SORCS3: variants seen among roughly 807,000 people sequenced by gnomAD.
The protein encoded by SORCS3 is VPS10 domain-containing receptor SorCS3.
A neutral mutation model predicts 146.3 loss-of-function variants in SORCS3; 57 were observed. The observed-to-expected ratio is 0.39, with a 90% CI of 0.31 to 0.49. The LOEUF is 0.49. SORCS3 is among the 20% of genes least tolerant of loss of function. The pLI is 0.92. For missense variants in SORCS3, 1,341 were observed against 1,575.5 expected, an observed-to-expected ratio of 0.85 and a Z score of 2.52; for synonymous variants, 653 against 618.5, an observed-to-expected ratio of 1.06 and a Z score of -0.83.
At chr10:105,128,591 CT>C (rs2055992939) in intron 7 of SORCS3, among the ~76,000 whole-genome samples, 1 of 152,132 alleles carries the variant, frequency 6.6e-6, no homozygotes, top group African/African-American at 2.4e-5. Context: ...TCCCCTGTGG[CT>C]GAAGATGTTT....
Position 105,005,682 on chromosome 10 carries a change from C to T in SORCS3, c.954+28189C>T, listed in dbSNP as rs530105696. Among the ~76,000 whole-genome samples, 444 of 152,200 alleles carry T rather than the reference C, an allele frequency of 2.9e-3. 2 individuals are homozygous for T. Among genetic ancestry groups the T allele is most frequent in the Non-Finnish European group, 4.9e-3 (331 of 68,014 alleles). ...GTAACCTCTCTAAATAAAGAAGAGC[C>T]CTTGAGCACAGTTCTCAGACCTCTT... On this transcript the variant is annotated intron_variant, in intron 4 of 26. Coordinates refer to ENST00000369701, the MANE Select transcript of SORCS3 (RefSeq NM_014978.3).
At chr10:104,876,703 TTTCCTTCC>T (rs747594890) in intron 2 of SORCS3, among the ~76,000 whole-genome samples, 2,257 of 104,710 alleles carry the variant, frequency 0.022, 31 homozygotes, top group Non-Finnish European at 0.026. Context: ...TGGTCCAGGT[TTTCCTTCC>T]TTCCTTCCTT....
At chr10:104,862,020 C>T (rs1289367427) in intron 2 of SORCS3, among the ~76,000 whole-genome samples, 1 of 152,200 alleles carries the variant, frequency 6.6e-6, no homozygotes, top group Admixed American at 6.5e-5. Flanking sequence ...GCCCATCCTA[C>T]TGCAGTATGC....
chr10:104,808,036 C>T (rs2017698324), intron 1 of SORCS3, among the ~76,000 whole-genome samples: 1 of 152,154 alleles, frequency 6.6e-6, no homozygotes, highest in Non-Finnish European at 1.5e-5. Context: ...CTGAGGGAAA[C>T]ATTTGCAGTA....
intron 3 of SORCS3, among the ~76,000 whole-genome samples, chr10:104,940,218 ATATATATATATATATATATATTTTTTTT>A (rs1455833004): frequency 1.5e-4 from 2 of 13,736 alleles, no homozygotes; most frequent in Non-Finnish European, 2.6e-4. Flanking sequence ...ATATATATAT[ATATATATATATATATATATATTTTTTTT>A]TTTTTTTTTA....
intron 6 of SORCS3, among the ~76,000 whole-genome samples, chr10:105,094,604 T>C (rs1447869958): frequency 1.3e-5 from 2 of 152,210 alleles, no homozygotes; most frequent in African/African-American, 4.8e-5. Flanking sequence ...ATTTGAATGA[T>C]GGACAATTCA....
chr10:104,743,041 A>T (rs1027117674), intron 1 of SORCS3, among the ~76,000 whole-genome samples: 2 of 152,228 alleles, frequency 1.3e-5, no homozygotes, highest in African/African-American at 4.8e-5. Flanking sequence ...AAAAAATTTC[A>T]TAATAATCCT....
chr10:104,912,044 A>G (rs1247377341), intron 2 of SORCS3, among the ~76,000 whole-genome samples: 1 of 151,990 alleles, frequency 6.6e-6, no homozygotes, highest in Non-Finnish European at 1.5e-5. Flanking sequence ...TCCTTTTTCT[A>G]TTTGGAGTTG....
chr10:105,209,050 C>A (rs1043340151), intron 16 of SORCS3, among the ~76,000 whole-genome samples: 1 of 152,182 alleles, frequency 6.6e-6, no homozygotes, highest in African/African-American at 2.4e-5. Context: ...GCACTTGGGG[C>A]TACTCTCTGC....
rs148297009 is a variant in SORCS3, at chr10:104,671,666, T to C, written c.627+29712T>C. Among the ~76,000 whole-genome samples, 427 of 152,114 alleles carry C rather than the reference T, an allele frequency of 2.8e-3. 2 individuals carry two copies. Among genetic ancestry groups the C allele is most frequent in the African/African-American group, 9.3e-3 (387 of 41,500 alleles). ...GTAGTTTCCTTCTATTCCTAGTTTG[T>C]TGAGTGTTTTTATCATGAAAGGGTT... On this transcript the variant is annotated intron_variant, in intron 1 of 26. Coordinates refer to ENST00000369701, the MANE Select transcript of SORCS3 (RefSeq NM_014978.3).
At chr10:105,135,564 T>C (rs2133775438) in intron 7 of SORCS3, among the ~76,000 whole-genome samples, 1 of 152,300 alleles carries the variant, frequency 6.6e-6, no homozygotes, top group South Asian at 2.1e-4. Flanking sequence ...ATTTTCCAAA[T>C]CTTTAAGTTC....
intron 3 of SORCS3, among the ~76,000 whole-genome samples, chr10:104,955,845 A>T (rs1176331576): frequency 2.0e-5 from 3 of 152,160 alleles, no homozygotes; most frequent in Non-Finnish European, 4.4e-5. Flanking sequence ...AAAGACAATA[A>T]ATTGGGCTCT....
chr10:105,118,427 T>C (rs1178979298), intron 7 of SORCS3, among the ~76,000 whole-genome samples: 2 of 152,230 alleles, frequency 1.3e-5, no homozygotes, highest in Admixed American at 1.3e-4. Context: ...TCATGGGCAG[T>C]TCTTTATAGC....
intron 7 of SORCS3, among the ~76,000 whole-genome samples, chr10:105,108,737 A>G (rs58496091): frequency 0.11 from 17,201 of 152,286 alleles, 1,066 homozygotes; most frequent in East Asian, 0.17. Context: ...TTCATTAATC[A>G]TCAACTAAAC....
At chr10:105,078,811 A>G (rs561487032) in intron 5 of SORCS3, among the ~76,000 whole-genome samples, 2 of 152,292 alleles carry the variant, frequency 1.3e-5, no homozygotes, top group African/African-American at 4.8e-5. Context: ...TGAGGCATAG[A>G]AAAGTTAAGC....
chr10:104,757,329 A>G (rs2017065587), intron 1 of SORCS3, among the ~76,000 whole-genome samples: 1 of 152,164 alleles, frequency 6.6e-6, no homozygotes, highest in Admixed American at 6.5e-5. Flanking sequence ...CCAGTTATTA[A>G]AACTAAATAA....
intron 1 of SORCS3, among the ~76,000 whole-genome samples, chr10:104,825,977 A>T (rs1227979255): frequency 6.6e-6 from 1 of 152,148 alleles, no homozygotes; most frequent in Non-Finnish European, 1.5e-5. Flanking sequence ...TCTGCAAAGT[A>T]CTTTCTTAAC....
intron 2 of SORCS3, among the ~76,000 whole-genome samples, chr10:104,872,943 G>A (rs1186430875): frequency 1.3e-5 from 2 of 152,210 alleles, no homozygotes; most frequent in East Asian, 3.8e-4. Flanking sequence ...GGACTGATAT[G>A]CCATTTGCAG....
At chr10:105,183,545 G>C (rs1279914375) in intron 14 of SORCS3, among the ~76,000 whole-genome samples, 1 of 152,168 alleles carries the variant, frequency 6.6e-6, no homozygotes, top group African/African-American at 2.4e-5. Flanking sequence ...AACCAGAGCT[G>C]CTTCCATTGA....
Sources: allele counts gnomAD v4.1 joint callset (sites outside exome capture counted in the v4.1 genomes callset), GRCh38; gene constraint gnomAD v4.1.1; transcripts MANE v1.5; gene names NCBI Gene and HGNC (gene_info 2026-07-23, HGNC 2026-07-21).